The following TMPRSS11D variants were observed in gnomAD, a reference collection of about 807,000 sequenced individuals.
The protein encoded by TMPRSS11D is transmembrane serine protease 11D.
Under a neutral mutation model 44.4 loss-of-function variants are expected in TMPRSS11D, and 32 were observed. The ratio of observed to expected loss-of-function variants is 0.72; its 90% CI spans 0.54 to 0.97. The LOEUF is 0.97. TMPRSS11D is among the 50% of genes least tolerant of loss of function. The pLI is 0.00. For missense variants in TMPRSS11D, 446 were observed against 502.6 expected (o/e 0.89, Z 1.08); for synonymous variants, 179 against 177.9 (o/e 1.01, Z -0.05).
chr4:67,882,489 T>G (rs868351470), intron 1 of TMPRSS11D, among the ~76,000 whole-genome samples: 28 of 152,256 alleles, frequency 1.8e-4, no homozygotes, highest in African/African-American at 6.3e-4. Context: ...TGGATCAACT[T>G]AGAAATTTGA....
intron 2 of TMPRSS11D, among the ~76,000 whole-genome samples, chr4:67,856,934 T>A (rs1186291184): frequency 4.6e-5 from 7 of 152,124 alleles, no homozygotes; most frequent in Non-Finnish European, 7.4e-5. Flanking sequence ...CACAATGAGA[T>A]ATCATCTCAC....
At chr4:67,859,174 T>G (rs1257363307) in intron 2 of TMPRSS11D, among the ~76,000 whole-genome samples, 1 of 152,116 alleles carries the variant, frequency 6.6e-6, no homozygotes, top group African/African-American at 2.4e-5. Flanking sequence ...CTTTGAAATA[T>G]TTCACTGTTA....
At position 67,854,529 on chromosome 4, in the gene TMPRSS11D, T is replaced by C. The variant is rs533636742; in HGVS notation, c.131-343A>G. Among the ~76,000 whole-genome samples the C allele has an allele frequency of 2.6e-5, 4 of 152,294 alleles. No homozygotes were observed. In the East Asian group the frequency reaches 7.7e-4, roughly 29 times the overall value. ...ATATTAATGTATGTTTGTAATATAC[T>C]ATTATTTATTTATCATTAAGAAAGA... On this transcript the variant is annotated intron_variant, in intron 2 of 9. Coordinates refer to ENST00000283916, the MANE Select transcript of TMPRSS11D (RefSeq NM_004262.3).
chr4:67,826,923 A>G (rs1370933889), intron 8 of TMPRSS11D, among the ~76,000 whole-genome samples: 1 of 152,158 alleles, frequency 6.6e-6, no homozygotes, highest in Non-Finnish European at 1.5e-5. Flanking sequence ...TCTCTAAAAA[A>G]CAAGCAAACA....
At chr4:67,861,528 A>G (rs181357333) in intron 1 of TMPRSS11D, among the ~76,000 whole-genome samples, 163 of 152,228 alleles carry the variant, frequency 1.1e-3, no homozygotes, top group Admixed American at 2.2e-3. Context: ...GTTTCCAGAG[A>G]TGAGCTGATA....
At chr4:67,843,903 A>G (rs955596567) in intron 3 of TMPRSS11D, among the ~76,000 whole-genome samples, 1 of 152,234 alleles carries the variant, frequency 6.6e-6, no homozygotes, top group African/African-American at 2.4e-5. Context: ...AGCCTGGGCT[A>G]CAGAACGAGA....
At chr4:67,870,775 C>T (rs1484150186) in intron 1 of TMPRSS11D, among the ~76,000 whole-genome samples, 6 of 143,564 alleles carry the variant, frequency 4.2e-5, no homozygotes, top group African/African-American at 1.6e-4. Context: ...GATGGCGCCA[C>T]TGCATTCCAG....
At chr4:67,865,307 A>T (rs1427267079) in intron 1 of TMPRSS11D, among the ~76,000 whole-genome samples, 2 of 151,830 alleles carry the variant, frequency 1.3e-5, no homozygotes, top group African/African-American at 4.8e-5. Context: ...ATTTAAAAAA[A>T]TTTTGAAATG....
chr4:67,845,414 A>G (rs1267314995), intron 3 of TMPRSS11D, among the ~76,000 whole-genome samples: 21 of 152,184 alleles, frequency 1.4e-4, no homozygotes, highest in Non-Finnish European at 1.5e-5. Context: ...TTGCATCACA[A>G]AGTTTAATGA....
intron 2 of TMPRSS11D, among the ~76,000 whole-genome samples, chr4:67,855,290 T>C (rs999808295): frequency 3.4e-5 from 5 of 147,496 alleles, no homozygotes; most frequent in African/African-American, 1.0e-4. Context: ...ATATTACTGA[T>C]GAACACAGAG....
At chr4:67,833,430 A>C (rs754768106) in intron 6 of TMPRSS11D, 49 bp from the exon 7 acceptor site, 2 of 1,360,634 alleles carry the variant, frequency 1.5e-6, no homozygotes, top group African/African-American at 3.0e-5. Context: ...ATTCCTTTAC[A>C]TTTGGAAGAA....
intron 1 of TMPRSS11D, among the ~76,000 whole-genome samples, chr4:67,867,395 G>C (rs145003072): frequency 6.6e-6 from 1 of 151,944 alleles, no homozygotes; most frequent in East Asian, 1.9e-4. Context: ...GAAGATGTAG[G>C]GAAAACTTTT....
intron 7 of TMPRSS11D, among the ~76,000 whole-genome samples, chr4:67,830,744 C>T (rs935222061): frequency 6.6e-6 from 1 of 151,292 alleles, no homozygotes; most frequent in Non-Finnish European, 1.5e-5. Context: ...TCTTCCTTTC[C>T]TTCTTTCCAG....
intron 9 of TMPRSS11D, among the ~76,000 whole-genome samples, chr4:67,824,705 T>TA (rs1266190469): frequency 2.6e-5 from 4 of 152,250 alleles, no homozygotes; most frequent in African/African-American, 9.6e-5. Flanking sequence ...ATCCACTTTT[T>TA]AAAGACCATG....
At chr4:67,871,551 A>G (rs1412170589) in intron 1 of TMPRSS11D, among the ~76,000 whole-genome samples, 1 of 152,206 alleles carries the variant, frequency 6.6e-6, no homozygotes, top group Non-Finnish European at 1.5e-5. Context: ...TCAGCCTTGC[A>G]TGATTATTAA....
At chr4:67,874,904 G>T (rs908759598) in intron 1 of TMPRSS11D, among the ~76,000 whole-genome samples, 1 of 152,002 alleles carries the variant, frequency 6.6e-6, no homozygotes, top group Non-Finnish European at 1.5e-5. Context: ...AATCATAATT[G>T]TTCTCATAGA....
At chr4:67,831,464 C>A (rs1231820800) in intron 7 of TMPRSS11D, among the ~76,000 whole-genome samples, 1 of 151,972 alleles carries the variant, frequency 6.6e-6, no homozygotes, top group Non-Finnish European at 1.5e-5. Context: ...TCCATGGATT[C>A]CTTTGGTAAT....
chr4:67,844,586 C>T (rs1469937650), intron 3 of TMPRSS11D, among the ~76,000 whole-genome samples: 4 of 151,552 alleles, frequency 2.6e-5, no homozygotes, highest in African/African-American at 9.7e-5. Context: ...CCAGTCTGGC[C>T]AACATGGTGA....
chr4:67,830,909 G>A (rs899592179), intron 7 of TMPRSS11D, among the ~76,000 whole-genome samples: 1 of 152,046 alleles, frequency 6.6e-6, no homozygotes, highest in African/African-American at 2.4e-5. Context: ...TCACACAATT[G>A]TTAAGTATTA....
Sources: allele counts gnomAD v4.1 joint callset (sites outside exome capture counted in the v4.1 genomes callset), GRCh38; gene constraint gnomAD v4.1.1; transcripts MANE v1.5; gene names NCBI Gene and HGNC (gene_info 2026-07-23, HGNC 2026-07-21).